The following E2F3 variants were observed in gnomAD, a reference collection of about 807,000 sequenced individuals.
E2F3 encodes the protein transcription factor E2F3.
A neutral mutation model predicts 44.4 loss-of-function variants in E2F3; 11 were observed. The ratio of observed to expected loss-of-function variants is 0.25; its 90% confidence interval spans 0.16 to 0.41. E2F3 has a LOEUF of 0.41. Among genes scored for constraint, E2F3 ranks in the 10% least tolerant of loss-of-function variants. The pLI, the probability that E2F3 is intolerant of heterozygous loss-of-function variation, is 1.00. For synonymous variants in E2F3, 249 were observed against 253.0 expected, an observed-to-expected ratio of 0.98 and a Z score of 0.15; for missense variants, 487 against 583.6, an observed-to-expected ratio of 0.83 and a Z score of 1.70.
At chr6:20,466,944 T>A (rs1761733639) in intron 1 of E2F3, among the ~76,000 whole-genome samples, 3 of 152,168 alleles carry the variant, frequency 2.0e-5, no homozygotes, top group Admixed American at 2.0e-4. Flanking sequence ...CCTCCCAAAG[T>A]GCTGGGATTA....
At chr6:20,403,712 C>T (rs1263665242) in intron 1 of E2F3, 6 of 912,266 alleles carry the variant, frequency 6.6e-6, no homozygotes, top group South Asian at 3.3e-5. Flanking sequence ...CCCACCCCCC[C>T]ACCGGCGCCC....
chr6:20,446,899 A>ATTTT (rs1760964190), intron 1 of E2F3, among the ~76,000 whole-genome samples: 1 of 152,180 alleles, frequency 6.6e-6, no homozygotes, highest in Non-Finnish European at 1.5e-5. Flanking sequence ...ATGGTTCAAC[A>ATTTT]TTTAAAGAGA....
chr6:20,447,709 T>C (rs1760996398), intron 1 of E2F3, among the ~76,000 whole-genome samples: 1 of 152,110 alleles, frequency 6.6e-6, no homozygotes, highest in South Asian at 2.1e-4. Context: ...TGTCCATGAG[T>C]TGTGTTACAA....
At chr6:20,460,024 G>T (rs1462058965) in intron 1 of E2F3, among the ~76,000 whole-genome samples, 2 of 152,172 alleles carry the variant, frequency 1.3e-5, no homozygotes, top group Non-Finnish European at 2.9e-5. Context: ...AAATCTGGGG[G>T]TTCCCATTGC....
intron 1 of E2F3, among the ~76,000 whole-genome samples, chr6:20,429,559 T>C (rs1273701247): frequency 3.9e-5 from 6 of 152,170 alleles, no homozygotes; most frequent in Non-Finnish European, 8.8e-5. Flanking sequence ...CCTCGGAGGA[T>C]GAGGAGAGAC....
intron 1 of E2F3, among the ~76,000 whole-genome samples, chr6:20,434,522 C>T (rs1760509910): frequency 6.6e-6 from 1 of 152,174 alleles, no homozygotes; most frequent in Admixed American, 6.5e-5. Context: ...TCCTACGCCA[C>T]TTAAATCTTA....
At chr6:20,430,108 A>G (rs1760349846) in intron 1 of E2F3, among the ~76,000 whole-genome samples, 1 of 152,150 alleles carries the variant, frequency 6.6e-6, no homozygotes. Context: ...TAAATTTGCT[A>G]TTTTTCCATT....
At chr6:20,445,497 C>G (rs986938539) in intron 1 of E2F3, among the ~76,000 whole-genome samples, 16 of 152,224 alleles carry the variant, frequency 1.1e-4, no homozygotes, top group African/African-American at 3.1e-4. Flanking sequence ...CCCGGCCTCT[C>G]CATTTTCTAA....
At chr6:20,441,102 C>T (rs1042556282) in intron 1 of E2F3, among the ~76,000 whole-genome samples, 8 of 152,192 alleles carry the variant, frequency 5.3e-5, no homozygotes, top group African/African-American at 1.9e-4. Flanking sequence ...CAAGCATCAT[C>T]CATGTCCAGA....
intron 1 of E2F3, among the ~76,000 whole-genome samples, chr6:20,423,947 G>A (rs938225987): frequency 6.6e-6 from 1 of 150,512 alleles, no homozygotes; most frequent in Admixed American, 6.6e-5. Flanking sequence ...TTTTTGTATT[G>A]TTAGTAGAGA....
rs187910150 is a variant in E2F3, at chr6:20,491,345, A to C, written c.*915A>C. On this transcript the variant is annotated 3_prime_UTR_variant, in exon 7 of 7. Coordinates refer to ENST00000346618, the MANE Select transcript of E2F3 (RefSeq NM_001949.5). ...TTGCAAATTCATATTACTTAAGCAG[A>C]GGGAGAGAACCTCTACTGATCAGAG... 1.7e-3 allele frequency: 382 copies of C among 228,544 alleles called. 2 individuals are homozygous for C. Among genetic ancestry groups the C allele is most frequent in the Non-Finnish European group, 2.2e-3 (252 of 114,744 alleles). 14.2% of individuals were successfully genotyped at this position (228,544 alleles called of 1,614,324 possible).
chr6:20,469,939 C>A (rs1310689325), intron 1 of E2F3, among the ~76,000 whole-genome samples: 2 of 152,142 alleles, frequency 1.3e-5, no homozygotes, highest in Non-Finnish European at 1.5e-5. Flanking sequence ...TCTTAGGTAA[C>A]CTCGTCAATG....
chr6:20,464,362 G>C (rs748658692), intron 1 of E2F3, among the ~76,000 whole-genome samples: 27 of 152,278 alleles, frequency 1.8e-4, no homozygotes, highest in African/African-American at 5.8e-4. Context: ...CAGGCCTAAG[G>C]GGGAGGTTAT....
intron 1 of E2F3, among the ~76,000 whole-genome samples, chr6:20,420,153 C>T (rs1297528673): frequency 1.3e-5 from 2 of 152,196 alleles, no homozygotes; most frequent in African/African-American, 4.8e-5. Flanking sequence ...ATTACTGCTA[C>T]TGACTAATGT....
At chr6:20,483,139 C>G (rs79890577) in intron 4 of E2F3, among the ~76,000 whole-genome samples, 1 of 151,990 alleles carries the variant, frequency 6.6e-6, no homozygotes, top group African/African-American at 2.4e-5. Flanking sequence ...GTCACCAACT[C>G]GATCCTATTA....
rs777921948 is a variant in E2F3 at position 20,402,331 on chromosome 6, G to C, written c.99G>C (p.Met33Ile). The change falls in exon 1 of 7, where the codon ATG becomes ATC. Residue 33 changes from methionine to isoleucine, a missense_variant. Met to Ile is a conservative substitution (Grantham distance 10). Around this residue, in one of 3 missense-constraint regions of E2F3, gnomAD observed 238 missense variants for 236.0 expected, o/e 1.01. Transcript: ENST00000346618. The surrounding 1 kb of genome is among the most constrained non-coding windows in gnomAD (Gnocchi z 5.6). ...TCGCCGCCGCCGCTGCAGCCTCCAT[G>C]GACAAAAGGGCACTGCTAGCCAGCC... The part of the protein sequence containing the change: ...AVVAAAAAAS[M>I]DKRALLASPG... The C allele has an allele frequency of 3.1e-6, 5 of 1,610,518 alleles. No homozygotes were observed. Among genetic ancestry groups the C allele is most frequent in the Admixed American group, 1.7e-5 (1 of 59,860 alleles).
intron 1 of E2F3, among the ~76,000 whole-genome samples, chr6:20,413,803 A>G (rs185602930): frequency 6.6e-6 from 1 of 152,304 alleles, no homozygotes; most frequent in African/African-American, 2.4e-5. Context: ...TACGGGCGCT[A>G]TTGAGTTGAT....
Position 20,474,864 on chromosome 6 carries a change from G to GC in E2F3, c.394-4979dup, listed in dbSNP as rs535600762. The stretch of plus-strand genomic sequence containing the variant: ...ATGTGGTCCCCACAAATCCAGTTCC[G>GC]CCCTCCCTGTTCACTCAACAGGGGA... On this transcript the variant is annotated intron_variant, in intron 1 of 6. Transcript: ENST00000346618. 3.1e-3 allele frequency among the ~76,000 whole-genome samples: 475 copies of GC among 152,294 alleles called. 1 individual carries two copies. Among genetic ancestry groups the GC allele is most frequent in the African/African-American group, 0.011 (438 of 41,556 alleles).
At chr6:20,409,403 C>T (rs115804118) in intron 1 of E2F3, among the ~76,000 whole-genome samples, 1 of 152,302 alleles carries the variant, frequency 6.6e-6, no homozygotes, top group African/African-American at 2.4e-5. Flanking sequence ...AATTTGTCTT[C>T]TGTGGTTATA....
Sources: allele counts gnomAD v4.1 joint callset (sites outside exome capture counted in the v4.1 genomes callset), GRCh38; gene constraint gnomAD v4.1.1; regional missense constraint gnomAD v4.1.1; non-coding constraint Gnocchi (gnomAD v3.1); transcripts MANE v1.5; gene names NCBI Gene and HGNC (gene_info 2026-07-23, HGNC 2026-07-21).